Variants in SYNE3 observed in about 807,000 individuals in gnomAD.
SYNE3 encodes the protein spectrin repeat containing nuclear envelope family member 3, also known as nesprin-3.
SYNE3 carries 100 observed loss-of-function variants against 111.2 expected under a neutral mutation model. The ratio of observed to expected loss-of-function variants is 0.90; its 90% CI spans 0.77 to 1.06. The LOEUF is 1.06. SYNE3 is among the 50% of genes least tolerant of loss of function. The pLI is 0.00. For missense variants in SYNE3, 1,160 were observed against 1,240.3 expected (o/e 0.94, Z 0.97); for synonymous variants, 547 against 533.9 (o/e 1.02, Z -0.34).
At chr14:95,482,592 G>A (rs899764771) in intron 1 of SYNE3, among the ~76,000 whole-genome samples, 6 of 152,100 alleles carry the variant, frequency 3.9e-5, no homozygotes, top group South Asian at 4.1e-4. Context: ...CAAAGAAAGC[G>A]GCAACGTCAG....
At chr14:95,421,011 G>A (rs1885085857) in intron 17 of SYNE3, among the ~76,000 whole-genome samples, 1 of 152,138 alleles carries the variant, frequency 6.6e-6, no homozygotes, top group Non-Finnish European at 1.5e-5. Flanking sequence ...AGATCTGATG[G>A]TTTTATAAGG....
Position 95,432,350 on chromosome 14 carries a change from G to A in SYNE3, c.2689-233C>T, listed in dbSNP as rs1454135818. On this transcript the variant is annotated intron_variant, in intron 16 of 17. Coordinates refer to ENST00000682763, the MANE Select transcript of SYNE3 (RefSeq NM_152592.6). ...TGGAAAGGCCGTGGCCAAGGCCGGC[G>A]GGGGCCATGGCCAACCTGGCTTGGG... is the stretch of plus-strand genomic sequence containing the variant. 2.6e-5 allele frequency among the ~76,000 whole-genome samples: 4 copies of A among 152,152 alleles called. No homozygotes were observed. The East Asian group carries it at 5.8e-4, about 22-fold the overall frequency.
At chr14:95,509,289 G>T (rs1295718405) in intron 1 of SYNE3, among the ~76,000 whole-genome samples, 1 of 152,184 alleles carries the variant, frequency 6.6e-6, no homozygotes, top group African/African-American at 2.4e-5. Flanking sequence ...AGGTGTCCAG[G>T]TGAGAAAGGC....
intron 4 of SYNE3, 122 bp from the exon 5 acceptor site, chr14:95,457,460 A>G: frequency 9.1e-7 from 1 of 1,096,128 alleles, no homozygotes; most frequent in Non-Finnish European, 1.3e-6. Flanking sequence ...AGGGGGTGCA[A>G]CCAACCTCTA....
At chr14:95,513,151 CCCCG>C (rs907029410) in intron 1 of SYNE3, among the ~76,000 whole-genome samples, 1 of 152,140 alleles carries the variant, frequency 6.6e-6, no homozygotes, top group Admixed American at 6.5e-5. Flanking sequence ...GTAACTGCCC[CCCCG>C]ACTCTCCTGA....
At chr14:95,492,010 G>A (rs1474238658) in intron 1 of SYNE3, among the ~76,000 whole-genome samples, 1 of 152,172 alleles carries the variant, frequency 6.6e-6, no homozygotes, top group East Asian at 1.9e-4. Context: ...GAGAAGCCCA[G>A]AAAGCACAGA....
At chr14:95,496,782 T>A (rs764641390) in intron 1 of SYNE3, among the ~76,000 whole-genome samples, 6 of 152,248 alleles carry the variant, frequency 3.9e-5, no homozygotes, top group Non-Finnish European at 8.8e-5. Context: ...ATATTGCATT[T>A]ATGTTTTCTC....
intron 1 of SYNE3, among the ~76,000 whole-genome samples, chr14:95,494,750 A>G (rs936949314): frequency 6.6e-6 from 1 of 152,206 alleles, no homozygotes; most frequent in African/African-American, 2.4e-5. Context: ...GTCACATGCT[A>G]GGAAATGCCT....
Position 95,432,135 on chromosome 14 carries a change from G to C in SYNE3, c.2689-18C>G. 1 of 1,607,634 alleles carries C rather than the reference G, an allele frequency of 6.2e-7. No homozygotes were observed. The highest frequency in any genetic ancestry group is 8.5e-7 in the Non-Finnish European group (1 of 1,177,574). On this transcript the variant is annotated intron_variant, in intron 16 of 17. Transcript: ENST00000682763. ...CTTTGTGTCTGTTATTTTAGGGAAGGAGAGGAAAAGGGGGGAAAAAAATAA... is the reference window on the plus strand; with the variant it reads ...CTTTGTGTCTGTTATTTTAGGGAAGCAGAGGAAAAGGGGGGAAAAAAATAA...
intron 1 of SYNE3, among the ~76,000 whole-genome samples, chr14:95,476,383 T>C (rs1296665954): frequency 2.6e-5 from 4 of 152,184 alleles, no homozygotes; most frequent in Admixed American, 2.6e-4. Flanking sequence ...CATGGGCAGG[T>C]CCTGCTAAAG....
intron 17 of SYNE3, among the ~76,000 whole-genome samples, chr14:95,419,741 T>G (rs1884973858): frequency 1.4e-5 from 2 of 142,776 alleles, no homozygotes; most frequent in Non-Finnish European, 1.5e-5. Context: ...GAGAGTAAGG[T>G]GGTGATGATG....
At chr14:95,468,565 C>A (rs8018925) in intron 2 of SYNE3, among the ~76,000 whole-genome samples, 1 of 151,834 alleles carries the variant, frequency 6.6e-6, no homozygotes, top group African/African-American at 2.4e-5. Context: ...GAGTGAGTGA[C>A]TGTAACTCAC....
rs368475954 is a variant in SYNE3, at chr14:95,481,895, G to A, written c.-14-6060C>T. 5.1e-4 allele frequency among the ~76,000 whole-genome samples: 77 copies of A among 152,374 alleles called. No individual in the cohort carries two copies. The Middle Eastern group carries it at 0.014, about 27-fold the overall frequency. On this transcript the variant is annotated intron_variant, in intron 1 of 17. Transcript: ENST00000682763. The stretch of plus-strand genomic sequence containing the variant: ...TACTGGCACCTGGCACTGAAAAAAC[G>A]CCCGAGGCAGATCGCCTGCTGGGTC...
chr14:95,441,777 T>G (rs1376947337), intron 11 of SYNE3, among the ~76,000 whole-genome samples: 1 of 152,226 alleles, frequency 6.6e-6, no homozygotes, highest in Non-Finnish European at 1.5e-5. Flanking sequence ...CAACCAGACA[T>G]TAATCGTCAC....
In SYNE3 at chr14:95,417,798, G is replaced by A; in HGVS notation, c.*28C>T. ...GCCCTGGGACTGATGGAGGTTGGAG[G>A]AGAAAGTCACCTGTGTGCCCCAGTG... On this transcript the variant is annotated 3_prime_UTR_variant, in exon 18 of 18. Transcript: ENST00000682763. 1 of 1,612,700 alleles carries A rather than the reference G, an allele frequency of 6.2e-7. No homozygotes were observed.
chr14:95,444,957 T>C (rs930386390), intron 9 of SYNE3, among the ~76,000 whole-genome samples: 12 of 152,330 alleles, frequency 7.9e-5, no homozygotes, highest in Admixed American at 3.9e-4. Context: ...CATTTATAGC[T>C]GCAGTGGTGG....
chr14:95,467,746 G>A (rs1257815264), intron 3 of SYNE3, 49 bp downstream of exon 3: 4 of 1,608,036 alleles, frequency 2.5e-6, no homozygotes, highest in Non-Finnish European at 3.4e-6. Context: ...TGTCACAGTG[G>A]GCAAGGAGGG....
intron 1 of SYNE3, among the ~76,000 whole-genome samples, chr14:95,486,510 T>C (rs1332527932): frequency 6.6e-6 from 1 of 152,140 alleles, no homozygotes; most frequent in Non-Finnish European, 1.5e-5. Context: ...CCTGGCTGGC[T>C]GGCCCTGCCT....
In SYNE3 at chr14:95,444,628, T is replaced by C. The variant is rs772601950; in HGVS notation, c.1633A>G (p.Ser545Gly). Residue 545 changes from serine (S) to glycine (G), a missense_variant and splice_region_variant, in exon 10 of 18, where the codon AGC becomes GGC. Ser to Gly is a moderately conservative substitution (Grantham distance 56). Transcript: ENST00000682763. ...SLLQRKSKLQ[S>G]LLAQHKDFGA... ...AAGTCTTTGTGCTGAGCGAGCAGGC[T>C]CTGCAGAGACACAGGACAGTGTGCA... 1.1e-4 allele frequency: 179 copies of C among 1,584,214 alleles called. 1 individual carries two copies. Among genetic ancestry groups the C allele is most frequent in the Non-Finnish European group, 2.6e-5 (30 of 1,162,504 alleles).
Sources: allele counts gnomAD v4.1 joint callset (sites outside exome capture counted in the v4.1 genomes callset), GRCh38; gene constraint gnomAD v4.1.1; transcripts MANE v1.5; gene names NCBI Gene and HGNC (gene_info 2026-07-23, HGNC 2026-07-21).